NPAS3: variants seen among roughly 807,000 people sequenced by gnomAD.
The protein encoded by NPAS3 is neuronal PAS domain-containing protein 3.
Under a neutral mutation model 73.1 loss-of-function variants are expected in NPAS3, and 14 were observed. The ratio of observed to expected loss-of-function variants is 0.19; its 90% CI spans 0.13 to 0.30. NPAS3 has a LOEUF of 0.30. NPAS3 is among the 10% of genes least tolerant of loss of function. NPAS3 has a pLI of 1.00. For missense variants in NPAS3, 1,096 were observed against 1,250.0 expected (o/e 0.88, Z 1.86); for synonymous variants, 620 against 541.5 (o/e 1.14, Z -2.01).
At chr14:33,608,276 C>A (rs1207358964) in intron 5 of NPAS3, among the ~76,000 whole-genome samples, 2 of 152,072 alleles carry the variant, frequency 1.3e-5, no homozygotes, top group Admixed American at 6.6e-5. Context: ...TTCATTTAGG[C>A]AGATCTTTGC....
chr14:33,670,461 G>A (rs931147583), intron 5 of NPAS3, among the ~76,000 whole-genome samples: 1 of 152,172 alleles, frequency 6.6e-6, no homozygotes, highest in Non-Finnish European at 1.5e-5. Context: ...TGTCAAAACA[G>A]TTCATAAATA....
intron 5 of NPAS3, among the ~76,000 whole-genome samples, chr14:33,584,481 G>A (rs1025684016): frequency 6.6e-6 from 1 of 151,766 alleles, no homozygotes; most frequent in Admixed American, 6.6e-5. Flanking sequence ...TCCAGAGTCA[G>A]CTTAAAACTC....
intron 1 of NPAS3, among the ~76,000 whole-genome samples, chr14:33,037,428 T>A (rs1214728099): frequency 6.6e-6 from 1 of 150,910 alleles, no homozygotes; most frequent in African/African-American, 2.4e-5. Flanking sequence ...GAGGATAGTT[T>A]GAGCCCATGA....
At chr14:33,423,951 T>C (rs776136502) in intron 4 of NPAS3, among the ~76,000 whole-genome samples, 43 of 152,162 alleles carry the variant, frequency 2.8e-4, no homozygotes, top group Middle Eastern at 3.4e-3. Flanking sequence ...TTAATAGATA[T>C]TGATTGAATA....
intron 2 of NPAS3, among the ~76,000 whole-genome samples, chr14:33,143,301 G>A (rs765849516): frequency 2.0e-5 from 3 of 152,200 alleles, no homozygotes; most frequent in Non-Finnish European, 2.9e-5. Flanking sequence ...AGACCAGCCC[G>A]ACCAATGTGG....
At chr14:33,771,919 AT>A (rs770015271) in intron 7 of NPAS3, among the ~76,000 whole-genome samples, 2 of 152,244 alleles carry the variant, frequency 1.3e-5, no homozygotes, top group African/African-American at 2.4e-5. Flanking sequence ...ACATGGAAAC[AT>A]AGTTCCAGGC....
At chr14:33,044,547 G>C (rs1268948316) in intron 1 of NPAS3, among the ~76,000 whole-genome samples, 1 of 152,056 alleles carries the variant, frequency 6.6e-6, no homozygotes, top group Non-Finnish European at 1.5e-5. Context: ...TTTCCAACTT[G>C]ATTTATTCAC....
Position 33,670,624 on chromosome 14 carries a change from CA to C in NPAS3, c.559-5573del, listed in dbSNP as rs755412371. ...CAATAATATAAATGTGACCCCCCCT[CA>C]AAAAAAAAAAAAACTACAAATCCTG... On this transcript the variant is annotated intron_variant, in intron 5 of 11. Coordinates refer to ENST00000356141, the Ensembl canonical transcript of NPAS3. Among the ~76,000 whole-genome samples, 210 of 134,868 alleles carry C rather than the reference CA, an allele frequency of 1.6e-3. 1 individual carries two copies. The highest frequency in any genetic ancestry group is 5.8e-3 in the East Asian group (28 of 4,816). The allele number at this position is 134,868 out of a possible 152,430, so 88.5% of individuals were successfully genotyped here. A position where few individuals can be genotyped will look rare whatever the true frequency, so the allele number is the denominator to read the frequency against.
intron 5 of NPAS3, among the ~76,000 whole-genome samples, chr14:33,644,879 G>C (rs1168493602): frequency 6.6e-6 from 1 of 152,058 alleles, no homozygotes; most frequent in Admixed American, 6.6e-5. Flanking sequence ...TCAGGGGTTT[G>C]AGACCAGCCT....
At chr14:33,687,232 A>G (rs1236322793) in intron 6 of NPAS3, among the ~76,000 whole-genome samples, 1 of 152,194 alleles carries the variant, frequency 6.6e-6, no homozygotes, top group Non-Finnish European at 1.5e-5. Flanking sequence ...TTTTTAATCA[A>G]TTGGTAATAA....
intron 1 of NPAS3, among the ~76,000 whole-genome samples, chr14:33,011,587 A>G (rs1318666907): frequency 1.3e-5 from 2 of 152,018 alleles, no homozygotes; most frequent in African/African-American, 4.8e-5. Context: ...TAAGGAAATG[A>G]GGTTGAACAA....
intron 1 of NPAS3, among the ~76,000 whole-genome samples, chr14:33,000,557 G>C (rs2038769537): frequency 6.6e-6 from 1 of 152,212 alleles, no homozygotes; most frequent in Non-Finnish European, 1.5e-5. Context: ...TTGGGTTTAT[G>C]AAGCACTGAC....
At position 33,329,825 on chromosome 14, in the gene NPAS3, T is replaced by TGA. The variant is rs535233541; in HGVS notation, c.386-37346_386-37345dup. Among the ~76,000 whole-genome samples, 94 of 151,026 alleles carry TGA rather than the reference T, an allele frequency of 6.2e-4. No homozygotes were observed. The South Asian group carries it at 0.018, about 29-fold the overall frequency. ...ATTAAAAGTGGAGTGTGTGTGTGTG[T>TGA]GAGAGAGAGAGAGAGAAGTGCTTAA... On this transcript the variant is annotated intron_variant, in intron 3 of 11. Transcript: ENST00000356141.
chr14:33,134,628 T>C (rs1398177311), intron 2 of NPAS3, among the ~76,000 whole-genome samples: 1 of 152,136 alleles, frequency 6.6e-6, no homozygotes, highest in East Asian at 1.9e-4. Flanking sequence ...TGGTTTTCCA[T>C]CAGCATAGGT....
chr14:33,797,675 C>A, intron 11 of NPAS3, 94 bp downstream of exon 11: 1 of 1,235,684 alleles, frequency 8.1e-7, no homozygotes, highest in South Asian at 1.4e-5. Context: ...AGAGGCAAAG[C>A]AACTGGTCAC....
intron 2 of NPAS3, among the ~76,000 whole-genome samples, chr14:33,076,042 C>T (rs1333030149): frequency 6.6e-6 from 1 of 152,078 alleles, no homozygotes; most frequent in Non-Finnish European, 1.5e-5. Context: ...CATTATTTAT[C>T]ACCAGGCTTG....
At chr14:33,790,850 G>T (rs1353800482) in intron 9 of NPAS3, among the ~76,000 whole-genome samples, 2 of 152,138 alleles carry the variant, frequency 1.3e-5, no homozygotes, top group South Asian at 4.1e-4. Context: ...TGGATTTTTA[G>T]TAGAGGCAGC....
intron 2 of NPAS3, among the ~76,000 whole-genome samples, chr14:33,184,445 G>C (rs1246971814): frequency 1.3e-5 from 2 of 152,124 alleles, no homozygotes; most frequent in Non-Finnish European, 2.9e-5. Flanking sequence ...ATGTTGATGA[G>C]TTTGGAGCTT....
At chr14:33,111,915 G>C (rs1330752634) in intron 2 of NPAS3, among the ~76,000 whole-genome samples, 1 of 151,228 alleles carries the variant, frequency 6.6e-6, no homozygotes, top group African/African-American at 2.4e-5. Context: ...GAGAACATGC[G>C]GTGTTTGGTT....
Sources: allele counts gnomAD v4.1 joint callset (sites outside exome capture counted in the v4.1 genomes callset), GRCh38; gene constraint gnomAD v4.1.1; transcripts MANE v1.5; gene names NCBI Gene and HGNC (gene_info 2026-07-23, HGNC 2026-07-21).